TTBK2: variants seen among roughly 807,000 people sequenced by gnomAD.
The protein encoded by TTBK2 is tau tubulin kinase 2.
Under a neutral mutation model 110.8 loss-of-function variants are expected in TTBK2, and 28 were observed. The ratio of observed to expected loss-of-function variants is 0.25; its 90% CI spans 0.19 to 0.35. The LOEUF is 0.35. TTBK2 is among the 10% of genes least tolerant of loss of function. TTBK2 has a pLI of 1.00. For synonymous variants in TTBK2, 532 were observed against 527.3 expected (o/e 1.01, Z -0.12); for missense variants, 1,369 against 1,500.3 (o/e 0.91, Z 1.45).
At chr15:42,895,919 C>T (rs969019939) in intron 1 of TTBK2, among the ~76,000 whole-genome samples, 1 of 152,144 alleles carries the variant, frequency 6.6e-6, no homozygotes, top group Non-Finnish European at 1.5e-5. Flanking sequence ...TTAGCAGTCA[C>T]TCCCCATTCC....
At chr15:42,860,440 GAAC>G (rs150068893) in intron 3 of TTBK2, among the ~76,000 whole-genome samples, 28 of 151,404 alleles carry the variant, frequency 1.8e-4, no homozygotes, top group East Asian at 1.9e-4. Context: ...ACCTATAGAG[GAAC>G]AACAACAACA....
intron 3 of TTBK2, among the ~76,000 whole-genome samples, chr15:42,843,684 G>A (rs1057477713): frequency 4.6e-5 from 7 of 151,044 alleles, no homozygotes; most frequent in Admixed American, 1.3e-4. Flanking sequence ...GCTTGAACCC[G>A]GGAGGAGGAG....
chr15:42,916,925 T>C (rs754282704), intron 1 of TTBK2, among the ~76,000 whole-genome samples: 2 of 152,102 alleles, frequency 1.3e-5, no homozygotes, highest in Non-Finnish European at 2.9e-5. Context: ...GGCAAATATG[T>C]TTTCTAATTC....
chr15:42,781,149 T>C (rs761350304), intron 11 of TTBK2, among the ~76,000 whole-genome samples: 2 of 151,918 alleles, frequency 1.3e-5, no homozygotes, highest in African/African-American at 2.4e-5. Flanking sequence ...CAAAAGAAAG[T>C]TGGCATAACT....
intron 1 of TTBK2, among the ~76,000 whole-genome samples, chr15:42,880,318 A>G (rs1187873616): frequency 6.6e-6 from 1 of 152,188 alleles, no homozygotes; most frequent in African/African-American, 2.4e-5. Context: ...CAATTCCTAA[A>G]TACTCCTACT....
chr15:42,825,252 TG>T (rs1335336536), intron 6 of TTBK2, among the ~76,000 whole-genome samples: 5 of 152,192 alleles, frequency 3.3e-5, no homozygotes, highest in African/African-American at 9.6e-5. Context: ...GGCAGCTATC[TG>T]CATCTGCTCC....
rs1363170602 is a variant in TTBK2, at chr15:42,890,965, T to C, written c.-67-12281A>G. On this transcript the variant is annotated intron_variant, in intron 1 of 14. Transcript: ENST00000267890. ...CTCACTGCAACCTCTGCCTCCAGGG[T>C]TCAAGCGATTCTCCTGCCTCAGCCT... Among the ~76,000 whole-genome samples the C allele has an allele frequency of 2.0e-5, 3 of 151,822 alleles. No individual in the cohort carries two copies. In the East Asian group the frequency reaches 5.8e-4, roughly 29 times the overall value.
At chr15:42,809,677 T>C (rs1465074843) in intron 9 of TTBK2, among the ~76,000 whole-genome samples, 1 of 152,222 alleles carries the variant, frequency 6.6e-6, no homozygotes. Flanking sequence ...ACAGTCCCTA[T>C]TGCTTACAAC....
intron 3 of TTBK2, among the ~76,000 whole-genome samples, chr15:42,861,805 C>T (rs988628595): frequency 6.6e-6 from 1 of 151,998 alleles, no homozygotes; most frequent in African/African-American, 2.4e-5. Context: ...AAATAAAGAG[C>T]TAATTTGTCA....
At chr15:42,825,446 C>G (rs1892489596) in intron 6 of TTBK2, among the ~76,000 whole-genome samples, 1 of 152,152 alleles carries the variant, frequency 6.6e-6, no homozygotes. Flanking sequence ...TGTGGTGGCT[C>G]ATGCCTGTAA....
chr15:42,750,899 G>A (rs567462144), intron 14 of TTBK2, among the ~76,000 whole-genome samples: 2 of 152,126 alleles, frequency 1.3e-5, no homozygotes, highest in Non-Finnish European at 2.9e-5. Flanking sequence ...GAAACATTGA[G>A]GCTGGAAGTA....
At chr15:42,855,031 T>C (rs1261546725) in intron 3 of TTBK2, 5 of 152,156 alleles carry the variant, frequency 3.3e-5, no homozygotes, top group Admixed American at 1.3e-4. Flanking sequence ...ATATACATAA[T>C]CTCTGCTTTT....
At chr15:42,907,299 T>G (rs1008902399) in intron 1 of TTBK2, among the ~76,000 whole-genome samples, 5 of 152,110 alleles carry the variant, frequency 3.3e-5, no homozygotes, top group African/African-American at 1.2e-4. Flanking sequence ...AAATAGAACT[T>G]CCATATTATC....
intron 4 of TTBK2, among the ~76,000 whole-genome samples, chr15:42,830,449 A>G (rs2140987329): frequency 6.6e-6 from 1 of 152,108 alleles, no homozygotes; most frequent in South Asian, 2.1e-4. Flanking sequence ...CAGCCTCCCA[A>G]AGTGCTGGGA....
intron 13 of TTBK2, among the ~76,000 whole-genome samples, chr15:42,754,085 CTTT>C (rs68057465): frequency 2.0e-4 from 27 of 132,186 alleles, no homozygotes; most frequent in African/African-American, 2.9e-4. Flanking sequence ...CTAATGTTTT[CTTT>C]TTTTTTTTTT....
At chr15:42,763,181 T>TAC (rs1567009030) in intron 13 of TTBK2, among the ~76,000 whole-genome samples, 413 of 24,708 alleles carry the variant, frequency 0.017, 6 homozygotes, top group Non-Finnish European at 0.022. Flanking sequence ...TATATATATA[T>TAC]ATATATATAT....
intron 12 of TTBK2, among the ~76,000 whole-genome samples, chr15:42,776,724 C>G (rs757683966): frequency 2.6e-5 from 4 of 152,166 alleles, no homozygotes; most frequent in Non-Finnish European, 4.4e-5. Context: ...AGATTACTTT[C>G]TAAACAAAGT....
intron 7 of TTBK2, among the ~76,000 whole-genome samples, chr15:42,812,197 T>C (rs1268464556): frequency 4.6e-5 from 7 of 152,314 alleles, no homozygotes; most frequent in African/African-American, 1.7e-4. Flanking sequence ...CATAAAGGCC[T>C]TGGGCCTACA....
At chr15:42,866,779 A>G (rs1894386865) in intron 3 of TTBK2, among the ~76,000 whole-genome samples, 1 of 152,224 alleles carries the variant, frequency 6.6e-6, no homozygotes, top group South Asian at 2.1e-4. Flanking sequence ...AAAAATTCTG[A>G]AATACATGGA....
Sources: allele counts gnomAD v4.1 joint callset (sites outside exome capture counted in the v4.1 genomes callset), GRCh38; gene constraint gnomAD v4.1.1; transcripts MANE v1.5; gene names NCBI Gene and HGNC (gene_info 2026-07-23, HGNC 2026-07-21).